ADGRB3: variants seen among roughly 807,000 people sequenced by gnomAD.
The protein encoded by ADGRB3 is brain-specific angiogenesis inhibitor 3.
In ADGRB3, 37 loss-of-function variants were observed where a neutral mutation model predicts 193.4. The ratio of observed to expected loss-of-function variants is 0.19; its 90% confidence interval spans 0.15 to 0.25. The LOEUF (loss-of-function observed/expected upper bound fraction) is 0.25. ADGRB3 is among the 10% of genes least tolerant of loss of function. The pLI is 1.00. For synonymous variants in ADGRB3, 690 were observed against 644.2 expected (o/e 1.07, Z -1.08); for missense variants, 1,637 against 1,852.9 (o/e 0.88, Z 2.14).
intron 3 of ADGRB3, among the ~76,000 whole-genome samples, chr6:68,662,763 G>A (rs1283193666): frequency 1.3e-5 from 2 of 151,256 alleles, no homozygotes; most frequent in Non-Finnish European, 3.0e-5. Context: ...ATATGTTAAT[G>A]TTATCCCAAG....
intron 17 of ADGRB3, among the ~76,000 whole-genome samples, chr6:69,081,425 C>A (rs555291819): frequency 1.2e-3 from 188 of 151,914 alleles, no homozygotes; most frequent in African/African-American, 4.2e-3. Flanking sequence ...AAAATGTTTG[C>A]TTCTGTTTGC....
At chr6:68,755,116 C>T (rs1766274637) in intron 3 of ADGRB3, among the ~76,000 whole-genome samples, 1 of 152,108 alleles carries the variant, frequency 6.6e-6, no homozygotes, top group African/African-American at 2.4e-5. Flanking sequence ...AGTTCAAAGG[C>T]ATTAATGAAA....
chr6:68,722,074 T>C (rs1765594023), intron 3 of ADGRB3, among the ~76,000 whole-genome samples: 1 of 151,772 alleles, frequency 6.6e-6, no homozygotes, highest in Non-Finnish European at 1.5e-5. Context: ...ATTTACAATA[T>C]AATCATTTCC....
At chr6:68,978,964 T>C (rs908744299) in intron 10 of ADGRB3, among the ~76,000 whole-genome samples, 7 of 151,382 alleles carry the variant, frequency 4.6e-5, no homozygotes, top group African/African-American at 1.4e-4. Flanking sequence ...AGCAATCACC[T>C]AAATTTGAAA....
intron 20 of ADGRB3, among the ~76,000 whole-genome samples, chr6:69,267,597 T>C (rs1298312135): frequency 3.3e-5 from 5 of 152,154 alleles, no homozygotes; most frequent in African/African-American, 1.2e-4. Flanking sequence ...GCTATGAACC[T>C]AGGCTGAAAG....
At chr6:68,851,566 G>A (rs1177992761) in intron 3 of ADGRB3, among the ~76,000 whole-genome samples, 3 of 151,632 alleles carry the variant, frequency 2.0e-5, no homozygotes, top group Admixed American at 2.0e-4. Flanking sequence ...ATGGCATTTA[G>A]GAATAGAGAG....
At chr6:69,230,581 G>T (rs953714662) in intron 17 of ADGRB3, among the ~76,000 whole-genome samples, 3 of 152,138 alleles carry the variant, frequency 2.0e-5, no homozygotes, top group African/African-American at 7.2e-5. Flanking sequence ...TATATAGTTT[G>T]TAATAATAGT....
At chr6:68,745,766 C>A (rs1207656152) in intron 3 of ADGRB3, among the ~76,000 whole-genome samples, 2 of 151,746 alleles carry the variant, frequency 1.3e-5, no homozygotes, top group African/African-American at 4.8e-5. Flanking sequence ...TATATCCCCC[C>A]ACACACATAT....
chr6:69,211,049 G>A (rs1229902336), intron 17 of ADGRB3, among the ~76,000 whole-genome samples: 2 of 152,166 alleles, frequency 1.3e-5, no homozygotes, highest in African/African-American at 4.8e-5. Context: ...CTGAACCCGG[G>A]AGGCAGAGCT....
rs567244261 is a variant in ADGRB3, at chr6:68,746,779, A to AT, written c.757+107354dup. ...GAGTCTCTAATCCTTTTAAACTAAC[A>AT]TTTTTTTATTTTATTTAATATTGTT... On this transcript the variant is annotated intron_variant, in intron 3 of 31. Transcript: ENST00000370598. Among the ~76,000 whole-genome samples the AT allele has an allele frequency of 4.8e-3, 728 of 152,042 alleles. 3 individuals are homozygous for AT. Among genetic ancestry groups the AT allele is most frequent in the Non-Finnish European group, 7.8e-3 (528 of 67,972 alleles).
intron 17 of ADGRB3, among the ~76,000 whole-genome samples, chr6:69,149,438 C>T (rs1582499919): frequency 6.6e-6 from 1 of 151,970 alleles, no homozygotes; most frequent in Non-Finnish European, 1.5e-5. Context: ...TGATCCTGAA[C>T]TCCTTCTCTG....
At chr6:69,037,310 A>C (rs963152929) in intron 13 of ADGRB3, among the ~76,000 whole-genome samples, 8 of 152,224 alleles carry the variant, frequency 5.3e-5, no homozygotes, top group Non-Finnish European at 1.2e-4. Context: ...CTTTGCTTAT[A>C]TGATTAAATA....
chr6:69,338,902 CTGTT>C lies in ADGRB3; in HGVS notation c.3189-7_3189-4del. 1.2e-6 allele frequency: 2 copies of C among 1,604,754 alleles called. No individual in the cohort carries two copies. Among genetic ancestry groups the C allele is most frequent in the Non-Finnish European group, 1.7e-6 (2 of 1,175,332 alleles). On this transcript the variant is annotated splice_polypyrimidine_tract_variant and intron_variant, in intron 24 of 31. Coordinates refer to ENST00000370598, the MANE Select transcript of ADGRB3 (RefSeq NM_001704.3). The stretch of plus-strand genomic sequence containing the variant: ...ATATTTTGTTCTTTTTGTGGGTGTT[CTGTT>C]TGTTTGCAGTCAGATGAGTGAGCCT...
At chr6:69,111,542 G>A (rs1032397455) in intron 17 of ADGRB3, among the ~76,000 whole-genome samples, 5 of 152,190 alleles carry the variant, frequency 3.3e-5, no homozygotes, top group African/African-American at 4.8e-5. Context: ...CAGAACAAAA[G>A]CGTGTCCTTG....
At chr6:69,357,277 C>T (rs1331425481) in intron 28 of ADGRB3, among the ~76,000 whole-genome samples, 1 of 152,034 alleles carries the variant, frequency 6.6e-6, no homozygotes, top group Non-Finnish European at 1.5e-5. Flanking sequence ...ACCTGAAATT[C>T]CTAAAACTTT....
intron 4 of ADGRB3, among the ~76,000 whole-genome samples, chr6:68,931,914 C>T (rs1476634989): frequency 6.6e-6 from 1 of 152,138 alleles, no homozygotes; most frequent in African/African-American, 2.4e-5. Context: ...ACTTGCTTAT[C>T]TGGATCCCTT....
chr6:68,924,322 T>C (rs530244768), intron 3 of ADGRB3, among the ~76,000 whole-genome samples: 2 of 151,978 alleles, frequency 1.3e-5, no homozygotes, highest in Non-Finnish European at 2.9e-5. Context: ...AATATAAAAA[T>C]AATGATTTAA....
chr6:68,898,741 A>G (rs76997473), intron 3 of ADGRB3, among the ~76,000 whole-genome samples: 2 of 152,142 alleles, frequency 1.3e-5, no homozygotes, highest in Non-Finnish European at 2.9e-5. Context: ...GGGATAATTC[A>G]TGTTCATTAC....
chr6:68,966,604 A>T (rs1469418245), intron 8 of ADGRB3, among the ~76,000 whole-genome samples: 1 of 151,984 alleles, frequency 6.6e-6, no homozygotes, highest in African/African-American at 2.4e-5. Flanking sequence ...CTCAACCTGG[A>T]CATCCCTCTG....
Sources: allele counts gnomAD v4.1 joint callset (sites outside exome capture counted in the v4.1 genomes callset), GRCh38; gene constraint gnomAD v4.1.1; transcripts MANE v1.5; gene names NCBI Gene and HGNC (gene_info 2026-07-23, HGNC 2026-07-21).